FCHO1: variants seen among roughly 807,000 people sequenced by gnomAD.
FCHO1 encodes FCH and mu domain containing endocytic adaptor 1, also known as F-BAR domain only protein 1.
In FCHO1, 45 loss-of-function variants were observed where a neutral mutation model predicts 114.4. That is an observed-to-expected ratio of 0.39 (90% CI 0.31 to 0.50). FCHO1 has a LOEUF of 0.50. Ranked by LOEUF, FCHO1 falls within the 20% of genes least tolerant of loss-of-function variation. The pLI is 0.77. For synonymous variants in FCHO1, 480 were observed against 488.9 expected (o/e 0.98, Z 0.24); for missense variants, 1,042 against 1,209.6 (o/e 0.86, Z 2.06).
intron 11 of FCHO1, among the ~76,000 whole-genome samples, chr19:17,773,762 A>G (rs572686866): frequency 3.3e-5 from 5 of 152,078 alleles, no homozygotes; most frequent in African/African-American, 7.2e-5. Flanking sequence ...CCCACTTCTG[A>G]TGATGTGGGG....
At chr19:17,764,514 C>G (rs2087901052) in intron 6 of FCHO1, 65 bp downstream of exon 6, 1 of 1,346,192 alleles carries the variant, frequency 7.4e-7, no homozygotes, top group Non-Finnish European at 1.0e-6. Flanking sequence ...GACATCTCTT[C>G]ACACTCGGTG....
intron 23 of FCHO1, 90 bp downstream of exon 23, chr19:17,781,910 C>A: frequency 2.3e-6 from 2 of 863,692 alleles, no homozygotes; most frequent in Non-Finnish European, 3.5e-6. Context: ...CATGGTCTGT[C>A]TTATAGTGAA....
chr19:17,772,955 A>C (rs143553247), intron 11 of FCHO1, among the ~76,000 whole-genome samples: 5 of 152,124 alleles, frequency 3.3e-5, no homozygotes. Context: ...GAGCCACTGC[A>C]CATGGCCAGG....
At chr19:17,765,327 AG>A in intron 6 of FCHO1, among the ~76,000 whole-genome samples, 1 of 152,020 alleles carries the variant, frequency 6.6e-6, no homozygotes, top group East Asian at 1.9e-4. Flanking sequence ...AGGAAGTAGG[AG>A]GGGAGATGGC....
intron 6 of FCHO1, 180 bp from the exon 7 acceptor site, chr19:17,766,489 G>A: frequency 1.4e-6 from 1 of 707,026 alleles, no homozygotes; most frequent in Non-Finnish European, 2.3e-6. Flanking sequence ...AGCTCCCTAT[G>A]CCTCAGTTTC....
intron 4 of FCHO1, among the ~76,000 whole-genome samples, chr19:17,762,278 G>A (rs2086595714): frequency 6.7e-6 from 1 of 148,314 alleles, no homozygotes; most frequent in Non-Finnish European, 1.5e-5. Context: ...GAGCCACCGT[G>A]CCCAGCTCAA....
intron 24 of FCHO1, 147 bp from the exon 25 acceptor site, chr19:17,783,956 C>T: frequency 1.1e-6 from 1 of 921,372 alleles, no homozygotes. Context: ...CCCTCCTTTA[C>T]TGCCCGCACC....
chr19:17,763,832 G>T (rs1437862037), intron 5 of FCHO1, among the ~76,000 whole-genome samples: 1 of 151,856 alleles, frequency 6.6e-6, no homozygotes, highest in Non-Finnish European at 1.5e-5. Context: ...CAAAGTGCTG[G>T]GATTACAGGC....
At chr19:17,782,134 C>G (rs760880422) in intron 23 of FCHO1, among the ~76,000 whole-genome samples, 1 of 152,044 alleles carries the variant, frequency 6.6e-6, no homozygotes, top group African/African-American at 2.4e-5. Context: ...CTCAGCCTCC[C>G]GAGTAGCTGG....
chr19:17,770,327 A>G (rs2091113808), intron 7 of FCHO1, 98 bp from the exon 8 acceptor site: 2 of 1,291,480 alleles, frequency 1.5e-6, no homozygotes, highest in Non-Finnish European at 1.0e-6. Flanking sequence ...AAACACACAC[A>G]CACACATAGA....
rs1179200956 is a variant in FCHO1 at position 17,766,793 on chromosome 19, C to G, written c.319C>G (p.Leu107Val). The stretch of plus-strand genomic sequence containing the variant: ...CGTTCTCCGCTACGGCGAGGAACAG[C>G]TCAAGACCCACAAGAAGGTGTGTGT... ...KDVLRYGEEQ[L>V]KTHKKCKEEV... The change falls in exon 7 of 29, where the codon CTC becomes GTC. Residue 107 changes from leucine (L) to valine (V), a missense_variant. Physicochemically the swap from Leu to Val is conservative, Grantham distance 32. This residue lies in a region of FCHO1 where 450 missense variants were observed against 564.1 expected (regional missense o/e 0.80). Coordinates refer to ENST00000596536, the MANE Select transcript of FCHO1 (RefSeq NM_015122.3). The G allele has an allele frequency of 1.2e-6, 2 of 1,614,040 alleles. No homozygotes were observed. Among genetic ancestry groups the G allele is most frequent in the East Asian group, 4.5e-5 (2 of 44,858 alleles).
chr19:17,783,072 C>T lies in FCHO1; in HGVS notation c.1993C>T (p.Arg665Cys), dbSNP rs200809991. ...LTMTFPAGIV[R>C]VFSGTPPPPV... ...CATGACCTTCCCTGCTGGCATCGTGCGTGTGTTCAGCGGGACCCCACCACC... is the reference window on the plus strand; with the variant it reads ...CATGACCTTCCCTGCTGGCATCGTGTGTGTGTTCAGCGGGACCCCACCACC... The change falls in exon 24 of 29, where the codon CGT becomes TGT. Residue 665 changes from arginine to cysteine, a missense_variant. By Grantham distance (180) the Arg-to-Cys change is radical (BLOSUM62 -3). Coordinates refer to ENST00000596536, the MANE Select transcript of FCHO1 (RefSeq NM_015122.3). 2.7e-5 allele frequency: 43 copies of T among 1,614,088 alleles called. No homozygotes were observed. The highest frequency in any genetic ancestry group is 1.8e-4 in the South Asian group (16 of 91,080).
upstream of FCHO1, among the ~76,000 whole-genome samples, chr19:17,750,710 C>T (rs7249407): frequency 0.032 from 4,829 of 152,162 alleles, 124 homozygotes; most frequent in South Asian, 0.085. Flanking sequence ...CCACCTGCCT[C>T]GGCCTCCCAA....
At chr19:17,779,470 G>A (rs1041228215) in intron 20 of FCHO1, among the ~76,000 whole-genome samples, 2 of 151,864 alleles carry the variant, frequency 1.3e-5, no homozygotes, top group African/African-American at 4.8e-5. Flanking sequence ...GGCGATGGGG[G>A]TAAGGGTGGC....
chr19:17,775,921 T>C lies in FCHO1; in HGVS notation c.1004-62T>C, dbSNP rs2092571969. ...TTGAGCAGGGAGGGACGAGGCTGGA[T>C]TGGAGAGCTGACTGGGGGAAAGCTT... On this transcript the variant is annotated intron_variant, in intron 15 of 28. Coordinates refer to ENST00000596536, the MANE Select transcript of FCHO1 (RefSeq NM_015122.3). The surrounding 1 kb of genome is among the most constrained non-coding windows in gnomAD (Gnocchi z 5.1). 1 of 1,574,236 alleles carries C rather than the reference T, an allele frequency of 6.4e-7. No homozygotes were observed. The highest frequency in any genetic ancestry group is 8.6e-7 in the Non-Finnish European group (1 of 1,162,428).
At position 17,762,852 on chromosome 19, in the gene FCHO1, A is replaced by C. The variant is rs2086881164; in HGVS notation, c.118A>C (p.Arg40=). Residue 40 remains arginine, a splice_region_variant and synonymous_variant, in exon 5 of 29, where the codon AGG becomes CGG. Transcript: ENST00000596536. ...TKELADFIRE[R]ATIEETYSKA... Reference sequence around the variant, plus strand: ...GGAGCTGGCGGACTTCATCCGGGAGAGGTGAGGTCCCCAAGCCCCATCCAC... The same window carrying C: ...GGAGCTGGCGGACTTCATCCGGGAGCGGTGAGGTCCCCAAGCCCCATCCAC... The C allele has an allele frequency of 6.2e-7, 1 of 1,607,948 alleles. No individual in the cohort carries two copies. Among genetic ancestry groups the C allele is most frequent in the Non-Finnish European group, 8.5e-7 (1 of 1,174,856 alleles).
chr19:17,748,723 G>T (rs909323604), upstream of FCHO1, among the ~76,000 whole-genome samples: 8 of 152,168 alleles, frequency 5.3e-5, no homozygotes, highest in African/African-American at 1.9e-4. Context: ...GTGTCGAATG[G>T]ACCTGCTTCA....
intron 26 of FCHO1, 81 bp downstream of exon 26, chr19:17,785,005 G>C: frequency 7.0e-7 from 1 of 1,427,980 alleles, no homozygotes; most frequent in African/African-American, 1.4e-5. Context: ...ATTGATTAAA[G>C]GGTGCACCCT....
At chr19:17,757,131 G>GT (rs1340285839) in intron 4 of FCHO1, among the ~76,000 whole-genome samples, 1 of 149,776 alleles carries the variant, frequency 6.7e-6, no homozygotes, top group Non-Finnish European at 1.5e-5. Context: ...GGAAGTCGCA[G>GT]TGAGATCGCG....
Sources: gnomAD v4.1 joint callset for allele counts (sites outside exome capture counted in the v4.1 genomes callset) on GRCh38, gnomAD v4.1.1 for gene constraint, gnomAD v4.1.1 regional missense constraint, Gnocchi (gnomAD v3.1) non-coding constraint, MANE v1.5 for transcripts, NCBI Gene and HGNC (gene_info 2026-07-23, HGNC 2026-07-21) for gene names.